Variants in PHKB observed in about 807,000 individuals in gnomAD.
PHKB encodes phosphorylase b kinase regulatory subunit beta.
Under a neutral mutation model 152.1 loss-of-function variants are expected in PHKB, and 122 were observed. The observed-to-expected ratio is 0.80, with a 90% CI of 0.69 to 0.93. PHKB has a LOEUF of 0.93. Among genes scored for constraint, PHKB ranks in the 40% least tolerant of loss-of-function variants. The pLI, the probability that PHKB is intolerant of heterozygous loss-of-function variation, is 0.00. For synonymous variants in PHKB, 436 were observed against 464.9 expected, an observed-to-expected ratio of 0.94 and a Z score of 0.80; for missense variants, 1,304 against 1,328.4, an observed-to-expected ratio of 0.98 and a Z score of 0.29.
intron 12 of PHKB, among the ~76,000 whole-genome samples, chr16:47,594,546 G>A (rs557144134): frequency 2.6e-5 from 4 of 152,232 alleles, no homozygotes; most frequent in South Asian, 2.1e-4. Flanking sequence ...CCCCTCCTGC[G>A]GAGGGCTACC....
chr16:47,565,337 T>A, intron 7 of PHKB: 2 of 833,512 alleles, frequency 2.4e-6, no homozygotes, highest in Non-Finnish European at 4.2e-6. Context: ...TACTTTATTT[T>A]CATCTTTTCT....
chr16:47,594,057 T>A, intron 11 of PHKB, 80 bp from the exon 12 acceptor site: 1 of 729,730 alleles, frequency 1.4e-6, no homozygotes, highest in South Asian at 1.6e-5. Context: ...GTAACTGGGC[T>A]AATATATTTT....
rs916011569 is a variant in PHKB at position 47,556,955 on chromosome 16, T to C, written c.710+9407T>C. ...ATTGCCACAATTTCAGATCCTGTTATTGGTCTATTCAGAGATGCAACTTCT... is the reference window on the plus strand; with the variant it reads ...ATTGCCACAATTTCAGATCCTGTTACTGGTCTATTCAGAGATGCAACTTCT... On this transcript the variant is annotated intron_variant, in intron 7 of 30. Transcript: ENST00000323584. Among the ~76,000 whole-genome samples, 3 of 152,214 alleles carry C rather than the reference T, an allele frequency of 2.0e-5. No individual in the cohort carries two copies. The South Asian group carries it at 6.2e-4, about 32-fold the overall frequency.
intron 14 of PHKB, among the ~76,000 whole-genome samples, chr16:47,617,681 A>G (rs942778344): frequency 2.6e-5 from 4 of 152,158 alleles, no homozygotes; most frequent in Non-Finnish European, 5.9e-5. Flanking sequence ...TCAATCATAT[A>G]TTAGTGTGAT....
chr16:47,566,596 C>T (rs1424766534), intron 7 of PHKB: 3 of 1,467,028 alleles, frequency 2.0e-6, no homozygotes, highest in Non-Finnish European at 1.9e-6. Context: ...GGTAGGTTCC[C>T]TAGAAAAGCA....
rs543742252 is a variant in PHKB at position 47,519,268 on chromosome 16, T to G, written c.594+3667T>G. ...TTCAGATTGGATGACACATGGAATT[T>G]CTCTCTTATTGTATTAGTCATCTTT... On this transcript the variant is annotated intron_variant, in intron 6 of 30. Transcript: ENST00000323584. 2.0e-4 allele frequency among the ~76,000 whole-genome samples: 30 copies of G among 152,326 alleles called. No homozygotes were observed. The South Asian group carries it at 6.0e-3, about 31-fold the overall frequency.
chr16:47,461,641 G>A (rs1969559781), intron 1 of PHKB, among the ~76,000 whole-genome samples: 1 of 152,192 alleles, frequency 6.6e-6, no homozygotes, highest in Admixed American at 6.5e-5. Context: ...GTGTGCCCCC[G>A]ACTCTATTCC....
chr16:47,610,896 C>T lies in PHKB; in HGVS notation c.1434C>T (p.Asn478=), dbSNP rs767260379. The T allele has an allele frequency of 8.8e-6, 14 of 1,594,324 alleles. No homozygotes were observed. The highest frequency in any genetic ancestry group is 4.4e-5 in the South Asian group (4 of 90,716). ...QRYVPLKDQR[N]VSMRFSNQGP... ...ATGTCCCACTAAAGGATCAACGTAACGTGAGCATGAGGTTTTCCAATCAGG... is the reference window on the plus strand; with the variant it reads ...ATGTCCCACTAAAGGATCAACGTAATGTGAGCATGAGGTTTTCCAATCAGG... The change falls in exon 14 of 31, where the codon AAC becomes AAT. Residue 478 remains asparagine (N), a synonymous_variant. Transcript: ENST00000323584.
intron 1 of PHKB, among the ~76,000 whole-genome samples, chr16:47,493,007 CAA>C (rs1299417144): frequency 2.0e-5 from 3 of 152,150 alleles, no homozygotes; most frequent in Non-Finnish European, 4.4e-5. Context: ...TCAGCAAAGC[CAA>C]AGTCTTGCTA....
intron 13 of PHKB, among the ~76,000 whole-genome samples, chr16:47,602,703 G>C (rs969866751): frequency 6.6e-6 from 1 of 152,000 alleles, no homozygotes; most frequent in Non-Finnish European, 1.5e-5. Flanking sequence ...ACTTCCATGA[G>C]CATTAATTTT....
chr16:47,681,293 G>A (rs1359240916), intron 26 of PHKB, among the ~76,000 whole-genome samples: 1 of 149,944 alleles, frequency 6.7e-6, no homozygotes, highest in African/African-American at 2.4e-5. Flanking sequence ...GGTCCACTTG[G>A]TGCAGAGCTG....
chr16:47,539,095 G>A (rs145475195), intron 6 of PHKB, among the ~76,000 whole-genome samples: 21 of 152,272 alleles, frequency 1.4e-4, no homozygotes, highest in African/African-American at 4.6e-4. Flanking sequence ...ATAAAGGAAC[G>A]TTATTAACTA....
intron 26 of PHKB, among the ~76,000 whole-genome samples, chr16:47,683,103 C>T (rs574016455): frequency 6.6e-6 from 1 of 152,322 alleles, no homozygotes; most frequent in East Asian, 1.9e-4. Flanking sequence ...GCAAATGCTG[C>T]TGCCTGATCG....
intron 14 of PHKB, among the ~76,000 whole-genome samples, chr16:47,628,177 A>G (rs1177022443): frequency 6.6e-6 from 1 of 152,146 alleles, no homozygotes; most frequent in Admixed American, 6.5e-5. Flanking sequence ...CCTTTCTTTC[A>G]ATAAAAGACC....
At chr16:47,566,608 T>C in intron 7 of PHKB, 2 of 1,363,668 alleles carry the variant, frequency 1.5e-6, no homozygotes, top group Non-Finnish European at 2.1e-6. Context: ...AGAAAAGCAA[T>C]GTAGGGTGAC....
At chr16:47,637,487 T>A (rs1381265222) in intron 14 of PHKB, among the ~76,000 whole-genome samples, 1 of 152,042 alleles carries the variant, frequency 6.6e-6, no homozygotes, top group East Asian at 1.9e-4. Flanking sequence ...GGTAAAAGGC[T>A]CCACCAGCCA....
chr16:47,587,535 T>C, intron 8 of PHKB, 133 bp from the exon 9 acceptor site: 3 of 648,246 alleles, frequency 4.6e-6, no homozygotes, highest in Non-Finnish European at 8.3e-6. Flanking sequence ...AAACAAAATT[T>C]AAATCTTCTG....
intron 7 of PHKB, among the ~76,000 whole-genome samples, chr16:47,555,583 T>C (rs1448311193): frequency 6.6e-6 from 1 of 152,226 alleles, no homozygotes; most frequent in Non-Finnish European, 1.5e-5. Flanking sequence ...TCTATTGATA[T>C]TAGTCATCTG....
intron 6 of PHKB, among the ~76,000 whole-genome samples, chr16:47,545,115 T>G (rs1030553921): frequency 6.6e-6 from 1 of 152,250 alleles, no homozygotes; most frequent in Non-Finnish European, 1.5e-5. Flanking sequence ...TATTGTTATG[T>G]GTGAATTTGA....
Sources: gnomAD v4.1 joint callset for allele counts (sites outside exome capture counted in the v4.1 genomes callset) on GRCh38, gnomAD v4.1.1 for gene constraint, MANE v1.5 for transcripts, NCBI Gene and HGNC (gene_info 2026-07-23, HGNC 2026-07-21) for gene names.